The following ZBTB20 variants were observed in gnomAD, a reference collection of about 807,000 sequenced individuals.
ZBTB20 encodes the protein zinc finger and BTB domain containing 20.
ZBTB20 carries 9 observed loss-of-function variants against 56.9 expected under a neutral mutation model. The observed-to-expected ratio is 0.16, with a 90% confidence interval of 0.10 to 0.28. ZBTB20 has a LOEUF of 0.28. Among genes scored for constraint, ZBTB20 ranks in the 10% least tolerant of loss-of-function variants. The pLI, the probability that ZBTB20 is intolerant of heterozygous loss-of-function variation, is 1.00. For synonymous variants in ZBTB20, 417 were observed against 420.7 expected (o/e 0.99, Z 0.11); for missense variants, 655 against 1,003.0 (o/e 0.65, Z 4.69).
chr3:114,929,112 T>C (rs1006523559), intron 3 of ZBTB20, among the ~76,000 whole-genome samples: 1 of 152,218 alleles, frequency 6.6e-6, no homozygotes, highest in Non-Finnish European at 1.5e-5. Flanking sequence ...AGTACTATGA[T>C]AGAGGGACAC....
rs35969429 is a variant in ZBTB20, at chr3:115,018,280, TA to T, written c.-506-43865del. Among the ~76,000 whole-genome samples the T allele has an allele frequency of 1.3e-3, 183 of 143,158 alleles. 2 individuals carry two copies. The highest frequency in any genetic ancestry group is 1.9e-3 in the Non-Finnish European group (120 of 64,438). The allele number at this position is 143,158 out of a possible 152,430, so 93.9% of individuals were successfully genotyped here. ...CATAGTATCATTGCTATCCTTTAAA[TA>T]AAAAAAAAAGGTTTAGTTAGAAAAT... On this transcript the variant is annotated intron_variant, in intron 2 of 11. Coordinates refer to ENST00000675478, the MANE Select transcript of ZBTB20 (RefSeq NM_001348800.3).
chr3:114,499,585 CTCTTA>C (rs1391859253), intron 7 of ZBTB20, among the ~76,000 whole-genome samples: 2 of 152,110 alleles, frequency 1.3e-5, no homozygotes, highest in Non-Finnish European at 2.9e-5. Flanking sequence ...TGGGTGGTGT[CTCTTA>C]TAAGTGACTT....
intron 6 of ZBTB20, among the ~76,000 whole-genome samples, chr3:114,555,707 G>A (rs1180450384): frequency 6.6e-6 from 1 of 152,098 alleles, no homozygotes; most frequent in African/African-American, 2.4e-5. Flanking sequence ...GCTCCATAGA[G>A]GCCTTATGAA....
chr3:114,655,242 CT>C (rs3085998), intron 6 of ZBTB20, among the ~76,000 whole-genome samples: 233 of 91,640 alleles, frequency 2.5e-3, no homozygotes, highest in Non-Finnish European at 3.2e-3. Flanking sequence ...TTTTCCTTTC[CT>C]TTTTTTTTTT....
intron 6 of ZBTB20, among the ~76,000 whole-genome samples, chr3:114,605,681 A>G (rs527879365): frequency 6.6e-6 from 1 of 152,330 alleles, no homozygotes; most frequent in South Asian, 2.1e-4. Flanking sequence ...TAGCTGTGAG[A>G]GAACAGAGGC....
chr3:114,789,526 T>C (rs2070787301), intron 5 of ZBTB20, among the ~76,000 whole-genome samples: 1 of 152,160 alleles, frequency 6.6e-6, no homozygotes, highest in Non-Finnish European at 1.5e-5. Context: ...TAGGAACCTC[T>C]GAGACAAAAT....
rs572793538 is a variant in ZBTB20, at chr3:114,954,488, C to A, written c.-456+19878G>T. On this transcript the variant is annotated intron_variant, in intron 3 of 11. Coordinates refer to ENST00000675478, the MANE Select transcript of ZBTB20 (RefSeq NM_001348800.3). The stretch of plus-strand genomic sequence containing the variant: ...TTTCTATTTTAGTTACACACACACA[C>A]ATATACACACACACTCTTACAGATA... Among the ~76,000 whole-genome samples, 5 of 152,200 alleles carry A rather than the reference C, an allele frequency of 3.3e-5. No individual in the cohort carries two copies. In the South Asian group the frequency reaches 1.0e-3, roughly 32 times the overall value.
intron 4 of ZBTB20, among the ~76,000 whole-genome samples, chr3:114,830,211 G>A (rs1280093787): frequency 1.3e-5 from 2 of 151,908 alleles, no homozygotes; most frequent in Non-Finnish European, 2.9e-5. Flanking sequence ...TTTGCTTTAA[G>A]AAGACACAAT....
intron 10 of ZBTB20, among the ~76,000 whole-genome samples, chr3:114,360,423 C>A (rs915372080): frequency 6.6e-6 from 1 of 150,472 alleles, no homozygotes; most frequent in Non-Finnish European, 1.5e-5. Context: ...CAGCTCACTG[C>A]AACCTCTGCC....
intron 3 of ZBTB20, among the ~76,000 whole-genome samples, chr3:114,961,205 T>G (rs1262408182): frequency 7.5e-6 from 1 of 133,260 alleles, no homozygotes; most frequent in African/African-American, 2.8e-5. Flanking sequence ...ACCATACTCG[T>G]TTTTTTTTTT....
Position 114,350,549 on chromosome 3 carries a change from G to C in ZBTB20, c.1529C>G (p.Ala510Gly). 1.2e-6 allele frequency: 2 copies of C among 1,614,158 alleles called. No individual in the cohort carries two copies. The highest frequency in any genetic ancestry group is 1.7e-5 in the Admixed American group (1 of 60,032). The change falls in exon 11 of 12, where the codon GCC (alanine) becomes GGC (glycine). Residue 510 changes from alanine to glycine, a missense_variant. Physicochemically the swap from Ala to Gly is moderately conservative, Grantham distance 60. This residue lies in a region of ZBTB20 where 71 missense variants were observed against 89.4 expected (regional missense o/e 0.79). Transcript: ENST00000675478. ...GCCCGCGGGCTGGGTAGTGAAGAGG[G>C]CTGGCAGGTAGGTGTTGCCAGCTGT... ...IGTAGNTYLP[A>G]LFTTQPAGSG...
intron 1 of ZBTB20, among the ~76,000 whole-genome samples, chr3:115,112,289 G>A (rs2083901359): frequency 6.6e-6 from 1 of 151,988 alleles, no homozygotes; most frequent in Non-Finnish European, 1.5e-5. Flanking sequence ...ATCACCCTGA[G>A]TATTTATAAT....
chr3:115,057,482 T>C (rs1323357430), intron 2 of ZBTB20, among the ~76,000 whole-genome samples: 2 of 152,164 alleles, frequency 1.3e-5, no homozygotes, highest in African/African-American at 4.8e-5. Flanking sequence ...ATTTCCCTGC[T>C]CCAATTATTT....
chr3:114,900,137 A>G (rs1322329586), intron 4 of ZBTB20, among the ~76,000 whole-genome samples, 167 bp downstream of exon 4: 1 of 152,154 alleles, frequency 6.6e-6, no homozygotes, highest in African/African-American at 2.4e-5. Context: ...ATAAAATAAA[A>G]TATATGTATA....
At chr3:114,757,368 T>C (rs2068082148) in intron 5 of ZBTB20, among the ~76,000 whole-genome samples, 1 of 152,184 alleles carries the variant, frequency 6.6e-6, no homozygotes, top group African/African-American at 2.4e-5. Context: ...AAGATATACT[T>C]AGCAAAAGTA....
intron 4 of ZBTB20, among the ~76,000 whole-genome samples, chr3:114,837,130 A>C: frequency 6.6e-6 from 1 of 152,152 alleles, no homozygotes; most frequent in Non-Finnish European, 1.5e-5. Flanking sequence ...TCGTAGCTCA[A>C]ATATTATCTC....
intron 6 of ZBTB20, among the ~76,000 whole-genome samples, chr3:114,602,054 C>T (rs1488584751): frequency 1.3e-5 from 2 of 151,892 alleles, no homozygotes; most frequent in Non-Finnish European, 2.9e-5. Flanking sequence ...AGAAAAGGTC[C>T]TCATATTTAA....
At chr3:114,719,876 G>C (rs2064791372) in intron 5 of ZBTB20, among the ~76,000 whole-genome samples, 1 of 151,962 alleles carries the variant, frequency 6.6e-6, no homozygotes, top group Admixed American at 6.6e-5. Flanking sequence ...TCAAATATCA[G>C]ATCAGTCCTG....
intron 3 of ZBTB20, among the ~76,000 whole-genome samples, chr3:114,917,271 C>T (rs908952656): frequency 6.6e-6 from 1 of 152,114 alleles, no homozygotes; most frequent in Non-Finnish European, 1.5e-5. Context: ...TTCTGAATTC[C>T]TTCTCTATGC....
Sources: allele counts gnomAD v4.1 joint callset (sites outside exome capture counted in the v4.1 genomes callset), GRCh38; gene constraint gnomAD v4.1.1; regional missense constraint gnomAD v4.1.1; transcripts MANE v1.5; gene names NCBI Gene and HGNC (gene_info 2026-07-23, HGNC 2026-07-21).